The following CADPS variants were observed in gnomAD, a reference collection of about 807,000 sequenced individuals.
CADPS encodes the protein calcium-dependent secretion activator 1.
A neutral mutation model predicts 167.3 loss-of-function variants in CADPS; 57 were observed. The ratio of observed to expected loss-of-function variants is 0.34; its 90% confidence interval spans 0.28 to 0.42. The LOEUF is 0.42. Ranked by LOEUF, CADPS falls within the 20% of genes least tolerant of loss-of-function variation. CADPS has a pLI of 1.00. For synonymous variants in CADPS, 676 were observed against 635.3 expected, an observed-to-expected ratio of 1.06 and a Z score of -0.96; for missense variants, 1,414 against 1,738.1, an observed-to-expected ratio of 0.81 and a Z score of 3.32.
intron 3 of CADPS, among the ~76,000 whole-genome samples, chr3:62,744,499 C>A (rs1004832864): frequency 6.6e-6 from 1 of 152,060 alleles, no homozygotes; most frequent in Non-Finnish European, 1.5e-5. Context: ...AAGAAAAATT[C>A]AAATTATTAG....
rs2083373864 is a variant in CADPS, at chr3:62,874,846, C to T, written c.184G>A (p.Gly62Ser). The T allele has an allele frequency of 2.8e-6, 3 of 1,065,878 alleles. No individual in the cohort carries two copies. Among genetic ancestry groups the T allele is most frequent in the South Asian group, 4.3e-5 (1 of 23,370 alleles). 66.0% of individuals were successfully genotyped at this position (1,065,878 alleles called of 1,614,324 possible). The change falls in exon 1 of 30, where the codon GGC becomes AGC. Residue 62 changes from glycine to serine, a missense_variant. Coordinates refer to ENST00000383710, the MANE Select transcript of CADPS (RefSeq NM_003716.4). This position sits in a 1 kb window ranked among gnomAD's most constrained non-coding sequence, Gnocchi z 7.1. ...GAGAGAGVGA[G>S]GGGGSGASSG... ...CTCGCGCCGCTGCCCCCGCCGCCGC[C>T]TGCACCCACCCCGGCTCCGGCGCCG...
intron 1 of CADPS, among the ~76,000 whole-genome samples, chr3:62,803,788 G>A (rs1466372895): frequency 6.6e-6 from 1 of 152,034 alleles, no homozygotes; most frequent in Non-Finnish European, 1.5e-5. Flanking sequence ...CCCAGGATAC[G>A]AGAGGATAAT....
chr3:62,749,108 A>G (rs758637452), intron 3 of CADPS, among the ~76,000 whole-genome samples: 2 of 152,240 alleles, frequency 1.3e-5, no homozygotes. Context: ...TTGCCATTTT[A>G]CTTTGGATAT....
At chr3:62,819,407 C>CGTGCGTGT (rs1553721524) in intron 1 of CADPS, among the ~76,000 whole-genome samples, 2 of 143,986 alleles carry the variant, frequency 1.4e-5, no homozygotes, top group East Asian at 4.3e-4. Context: ...AATCTGTGTG[C>CGTGCGTGT]GTGTGTGTGT....
chr3:62,823,109 T>C (rs2073323279), intron 1 of CADPS, among the ~76,000 whole-genome samples: 1 of 152,144 alleles, frequency 6.6e-6, no homozygotes, highest in Non-Finnish European at 1.5e-5. Context: ...TCTATTATCT[T>C]TTCAAAAATT....
intron 1 of CADPS, among the ~76,000 whole-genome samples, chr3:62,813,933 C>A (rs550673028): frequency 2.0e-5 from 3 of 151,952 alleles, no homozygotes; most frequent in African/African-American, 7.2e-5. Flanking sequence ...TTTTATTGAA[C>A]GAACAAATGA....
intron 1 of CADPS, among the ~76,000 whole-genome samples, chr3:62,808,877 A>G (rs1440288317): frequency 6.6e-6 from 1 of 151,978 alleles, no homozygotes; most frequent in Admixed American, 6.6e-5. Flanking sequence ...ACACAACCCA[A>G]ACAGAATTCT....
intron 9 of CADPS, among the ~76,000 whole-genome samples, chr3:62,570,636 ATTT>A (rs915948678): frequency 2.6e-5 from 4 of 152,230 alleles, no homozygotes; most frequent in Admixed American, 2.0e-4. Flanking sequence ...GTATTCATTA[ATTT>A]TTTAAAATTT....
chr3:62,769,806 A>G (rs2088063951), intron 1 of CADPS, among the ~76,000 whole-genome samples: 1 of 152,150 alleles, frequency 6.6e-6, no homozygotes, highest in South Asian at 2.1e-4. Context: ...CACAGGTTCA[A>G]GTCCTGGTGA....
chr3:62,554,764 T>C (rs1263113179), intron 10 of CADPS, among the ~76,000 whole-genome samples: 1 of 152,176 alleles, frequency 6.6e-6, no homozygotes, highest in East Asian at 1.9e-4. Context: ...TTTTTTGTTG[T>C]TTGTTTGAGA....
chr3:62,471,679 G>A (rs1028965521), intron 24 of CADPS, among the ~76,000 whole-genome samples: 11 of 152,170 alleles, frequency 7.2e-5, no homozygotes, highest in African/African-American at 2.7e-4. Context: ...GACCAGTCCT[G>A]TTGTATCAAC....
chr3:62,786,052 A>G (rs896643635), intron 1 of CADPS, among the ~76,000 whole-genome samples: 13 of 152,026 alleles, frequency 8.6e-5, no homozygotes, highest in Non-Finnish European at 1.8e-4. Flanking sequence ...GTCTCTACTA[A>G]AAATACAAAA....
At chr3:62,846,054 GCTCT>G (rs112418953) in intron 1 of CADPS, among the ~76,000 whole-genome samples, 76,787 of 147,988 alleles carry the variant, frequency 0.52, 19,731 homozygotes, top group East Asian at 0.61. Context: ...TTCCCCCTTT[GCTCT>G]CTCTCTCTCT....
chr3:62,858,347 A>G (rs1243360409), intron 1 of CADPS, among the ~76,000 whole-genome samples: 1 of 152,128 alleles, frequency 6.6e-6, no homozygotes, highest in Non-Finnish European at 1.5e-5. Context: ...GCTTCCTTCC[A>G]TAGTCCATCA....
At chr3:62,785,081 A>G (rs1163087181) in intron 1 of CADPS, among the ~76,000 whole-genome samples, 1 of 152,182 alleles carries the variant, frequency 6.6e-6, no homozygotes, top group Non-Finnish European at 1.5e-5. Context: ...TCATTTCAGG[A>G]GCATAGGGAG....
chr3:62,416,740 T>C (rs1402707127), intron 28 of CADPS, among the ~76,000 whole-genome samples: 6 of 152,214 alleles, frequency 3.9e-5, no homozygotes, highest in Admixed American at 3.9e-4. Context: ...GGAGGAAAAC[T>C]GGAGGTTCTT....
chr3:62,437,559 C>T (rs1472311223), intron 28 of CADPS, among the ~76,000 whole-genome samples: 1 of 152,088 alleles, frequency 6.6e-6, no homozygotes, highest in African/African-American at 2.4e-5. Flanking sequence ...TGGTTTAAAG[C>T]TGCAACTGAC....
At chr3:62,701,743 C>T (rs1353267344) in intron 3 of CADPS, among the ~76,000 whole-genome samples, 2 of 152,052 alleles carry the variant, frequency 1.3e-5, no homozygotes, top group Non-Finnish European at 2.9e-5. Context: ...AGAAAGATGC[C>T]TTGTAGAATG....
At chr3:62,535,504 T>G (rs909148648) in intron 12 of CADPS, among the ~76,000 whole-genome samples, 1 of 151,796 alleles carries the variant, frequency 6.6e-6, no homozygotes, top group Non-Finnish European at 1.5e-5. Flanking sequence ...ATCAATAATA[T>G]CTTAACCCTA....
Sources: allele counts gnomAD v4.1 joint callset (sites outside exome capture counted in the v4.1 genomes callset), GRCh38; gene constraint gnomAD v4.1.1; non-coding constraint Gnocchi (gnomAD v3.1); transcripts MANE v1.5; gene names NCBI Gene and HGNC (gene_info 2026-07-23, HGNC 2026-07-21).